Variants in RCAN2 observed in about 807,000 individuals in gnomAD.
RCAN2 encodes the protein calcipressin-2.
RCAN2 carries 9 observed loss-of-function variants against 23.6 expected under a neutral mutation model. The observed-to-expected ratio is 0.38, with a 90% CI of 0.23 to 0.67. RCAN2 has a LOEUF of 0.67. Among genes scored for constraint, RCAN2 ranks in the 30% least tolerant of loss-of-function variants. RCAN2 has a pLI of 0.51. For synonymous variants in RCAN2, 109 were observed against 115.7 expected, an observed-to-expected ratio of 0.94 and a Z score of 0.37; for missense variants, 273 against 302.3, an observed-to-expected ratio of 0.90 and a Z score of 0.72.
intron 2 of RCAN2, among the ~76,000 whole-genome samples, chr6:46,256,382 T>TA (rs146008268): frequency 4.1e-4 from 61 of 147,892 alleles, no homozygotes; most frequent in Admixed American, 1.1e-3. Context: ...AAAAGAAAAA[T>TA]AAATAAAATA....
chr6:46,360,951 A>AC (rs1764992536), intron 2 of RCAN2, among the ~76,000 whole-genome samples: 1 of 152,176 alleles, frequency 6.6e-6, no homozygotes, highest in Admixed American at 6.5e-5. Flanking sequence ...CCTTCTCCCT[A>AC]CCCCCATGTA....
At position 46,302,896 on chromosome 6, in the gene RCAN2, C is replaced by T. The variant is rs74663196; in HGVS notation, c.226-54000G>A. On this transcript the variant is annotated intron_variant, in intron 2 of 4. Coordinates refer to ENST00000371374, the MANE Select transcript of RCAN2 (RefSeq NM_001251974.2). ...ATTGAGGCTCAGGGGCTTATGTGAC[C>T]CATCTAAGGTCACATAGACAGTAAG... Among the ~76,000 whole-genome samples, 305 of 151,988 alleles carry T rather than the reference C, an allele frequency of 2.0e-3. 3 individuals are homozygous for T. Among genetic ancestry groups the T allele is most frequent in the African/African-American group, 7.2e-3 (299 of 41,480 alleles).
intron 2 of RCAN2, among the ~76,000 whole-genome samples, chr6:46,417,002 A>T (rs1766733173): frequency 6.6e-6 from 1 of 152,170 alleles, no homozygotes; most frequent in South Asian, 2.1e-4. Flanking sequence ...AACCATTCTC[A>T]TATTGCTAGA....
intron 2 of RCAN2, among the ~76,000 whole-genome samples, chr6:46,316,742 TAA>T (rs1255402751): frequency 6.6e-6 from 1 of 152,244 alleles, no homozygotes. Flanking sequence ...TTGCTATTAT[TAA>T]GTTTGCTCAT....
At chr6:46,328,958 T>A (rs1161860391) in intron 2 of RCAN2, among the ~76,000 whole-genome samples, 2 of 152,134 alleles carry the variant, frequency 1.3e-5, no homozygotes, top group Non-Finnish European at 2.9e-5. Context: ...CTTGGAGGTG[T>A]CTAGAATATA....
At chr6:46,431,557 G>C (rs1007000336) in intron 2 of RCAN2, among the ~76,000 whole-genome samples, 1 of 152,122 alleles carries the variant, frequency 6.6e-6, no homozygotes, top group East Asian at 1.9e-4. Flanking sequence ...GCACACACAG[G>C]CATCTGAACG....
At chr6:46,246,529 AC>A (rs756814716) in intron 4 of RCAN2, among the ~76,000 whole-genome samples, 1 of 152,168 alleles carries the variant, frequency 6.6e-6, no homozygotes, top group African/African-American at 2.4e-5. Context: ...CATGGACTTG[AC>A]ACCATTTTAG....
intron 4 of RCAN2, among the ~76,000 whole-genome samples, chr6:46,245,491 C>T (rs1766481848): frequency 6.6e-6 from 1 of 152,104 alleles, no homozygotes; most frequent in Admixed American, 6.5e-5. Context: ...GAAACCAGGA[C>T]AGTTGGTCAC....
chr6:46,430,988 T>A (rs573157945), intron 2 of RCAN2, among the ~76,000 whole-genome samples: 1 of 152,174 alleles, frequency 6.6e-6, no homozygotes, highest in Admixed American at 6.5e-5. Context: ...ATATGGTTGA[T>A]GTAAATAATT....
At chr6:46,404,990 T>C (rs1561892030) in intron 2 of RCAN2, among the ~76,000 whole-genome samples, 1 of 152,190 alleles carries the variant, frequency 6.6e-6, no homozygotes, top group African/African-American at 2.4e-5. Context: ...TAAATTGCAA[T>C]CTGCTAAGAC....
intron 4 of RCAN2, among the ~76,000 whole-genome samples, chr6:46,228,868 T>C (rs1487316267): frequency 1.3e-5 from 2 of 152,238 alleles, no homozygotes; most frequent in African/African-American, 4.8e-5. Flanking sequence ...CTAGCATCGA[T>C]GGTCTTTACA....
chr6:46,222,322 G>A lies in RCAN2; in HGVS notation c.*819C>T, dbSNP rs1765503664. The A allele has an allele frequency of 4.8e-6, 1 of 209,290 alleles. No homozygotes were observed. The highest frequency in any genetic ancestry group is 2.3e-5 in the African/African-American group (1 of 43,752). The allele number at this position is 209,290 out of a possible 1,614,324, so 13.0% of individuals were successfully genotyped here. A position where few individuals can be genotyped will look rare whatever the true frequency, so the allele number is the denominator to read the frequency against. The stretch of plus-strand genomic sequence containing the variant: ...AAACATTTGTACAAATATACAAAGA[G>A]AGAAAACAATCATTCAGACACCATG... On this transcript the variant is annotated 3_prime_UTR_variant, in exon 5 of 5. Transcript: ENST00000371374.
rs558993519 is a variant in RCAN2, at chr6:46,480,918, G to A, written c.-3+10255C>T. ...ATTACAGGCGTGAGCCACTGCGCCC[G>A]GCCACTTGTTTTTATAGTTAATAAT... is the stretch of plus-strand genomic sequence containing the variant. On this transcript the variant is annotated intron_variant, in intron 1 of 4. Coordinates refer to ENST00000371374, the MANE Select transcript of RCAN2 (RefSeq NM_001251974.2). Among the ~76,000 whole-genome samples the A allele has an allele frequency of 1.1e-4, 17 of 152,276 alleles. No homozygotes were observed. The East Asian group carries it at 1.9e-3, about 17-fold the overall frequency.
chr6:46,465,950 T>C (rs955236123), intron 1 of RCAN2, among the ~76,000 whole-genome samples: 6 of 152,238 alleles, frequency 3.9e-5, no homozygotes, highest in African/African-American at 1.4e-4. Context: ...CCAGGGCTTA[T>C]GTAATACAAT....
intron 2 of RCAN2, among the ~76,000 whole-genome samples, chr6:46,300,740 A>G (rs1279431141): frequency 6.6e-6 from 1 of 152,072 alleles, no homozygotes; most frequent in East Asian, 1.9e-4. Flanking sequence ...ACTAGCTAAA[A>G]ACACATTTAA....
intron 2 of RCAN2, among the ~76,000 whole-genome samples, chr6:46,452,171 G>A (rs1418313385): frequency 6.6e-6 from 1 of 152,138 alleles, no homozygotes; most frequent in African/African-American, 2.4e-5. Flanking sequence ...AGTGCATAAT[G>A]TTTAAGAACA....
At chr6:46,467,814 C>T (rs991120234) in intron 1 of RCAN2, among the ~76,000 whole-genome samples, 5 of 152,190 alleles carry the variant, frequency 3.3e-5, no homozygotes, top group Admixed American at 2.6e-4. Context: ...CTATGTTTTT[C>T]GGCTCTTCGG....
chr6:46,328,400 T>C (rs998044465), intron 2 of RCAN2, among the ~76,000 whole-genome samples: 2 of 152,208 alleles, frequency 1.3e-5, no homozygotes, highest in African/African-American at 4.8e-5. Context: ...CAAATTGTGT[T>C]TTTAGGGCAG....
intron 2 of RCAN2, among the ~76,000 whole-genome samples, chr6:46,265,545 T>A (rs1767294370): frequency 6.6e-6 from 1 of 152,170 alleles, no homozygotes; most frequent in South Asian, 2.1e-4. Flanking sequence ...AATTATGCTG[T>A]GACTTCAGGA....
Sources: gnomAD v4.1 joint callset for allele counts (sites outside exome capture counted in the v4.1 genomes callset) on GRCh38, gnomAD v4.1.1 for gene constraint, MANE v1.5 for transcripts, NCBI Gene and HGNC (gene_info 2026-07-23, HGNC 2026-07-21) for gene names.